KAZN: variants seen among roughly 807,000 people sequenced by gnomAD.
The protein encoded by KAZN is kazrin, periplakin interacting protein, also known as kazrin.
KAZN carries 40 observed loss-of-function variants against 87.4 expected under a neutral mutation model. The ratio of observed to expected loss-of-function variants is 0.46; its 90% CI spans 0.36 to 0.60. KAZN has a LOEUF of 0.60. KAZN is among the 20% of genes least tolerant of loss of function. KAZN has a pLI of 0.00. For missense variants in KAZN, 898 were observed against 1,073.9 expected, an observed-to-expected ratio of 0.84 and a Z score of 2.29; for synonymous variants, 466 against 458.3, an observed-to-expected ratio of 1.02 and a Z score of -0.22.
chr1:15,048,463 C>T lies in KAZN; in HGVS notation c.726+4304C>T, dbSNP rs184255724. ...GTATGTGTAAAATATTGTTTATCAA[C>T]TTAGAATGTCAAGGCCCGAGCCCAC... On this transcript the variant is annotated intron_variant, in intron 4 of 14. Transcript: ENST00000376030. Among the ~76,000 whole-genome samples, 875 of 152,250 alleles carry T rather than the reference C, an allele frequency of 5.7e-3. 6 individuals are homozygous for T. Among genetic ancestry groups the T allele is most frequent in the South Asian group, 0.041 (199 of 4,810 alleles).
intron 3 of KAZN, among the ~76,000 whole-genome samples, chr1:15,037,795 G>A (rs542862854): frequency 2.0e-5 from 3 of 152,200 alleles, no homozygotes; most frequent in East Asian, 1.9e-4. Flanking sequence ...GACCCCAGTC[G>A]TAGGTCTGGT....
chr1:14,289,888 T>C (rs976970092), intron 2 of KAZN, among the ~76,000 whole-genome samples: 1 of 152,194 alleles, frequency 6.6e-6, no homozygotes, highest in Admixed American at 6.5e-5. Flanking sequence ...GGTGACAAAA[T>C]CTCTCAGCGT....
At chr1:13,908,821 G>A (rs934641498) in intron 1 of KAZN, among the ~76,000 whole-genome samples, 2 of 152,178 alleles carry the variant, frequency 1.3e-5, no homozygotes, top group African/African-American at 2.4e-5. Context: ...AGAAATCCAC[G>A]GTGACAAGAC....
At chr1:14,634,233 A>C (rs1679794934) in intron 1 of KAZN, among the ~76,000 whole-genome samples, 1 of 152,172 alleles carries the variant, frequency 6.6e-6, no homozygotes. Flanking sequence ...CACTTGAACT[A>C]TTCCTTCCCC....
intron 1 of KAZN, among the ~76,000 whole-genome samples, chr1:14,120,414 G>A (rs1490700899): frequency 2.0e-5 from 3 of 152,014 alleles, no homozygotes; most frequent in African/African-American, 7.3e-5. Context: ...CTCCCACCAG[G>A]CCCCACCTCC....
intron 1 of KAZN, among the ~76,000 whole-genome samples, chr1:13,991,876 A>G (rs1328952385): frequency 6.6e-6 from 1 of 152,108 alleles, no homozygotes; most frequent in Non-Finnish European, 1.5e-5. Context: ...AACTATAGAT[A>G]CAGACGCAGT....
intron 2 of KAZN, among the ~76,000 whole-genome samples, chr1:14,967,178 T>A (rs1664550662): frequency 6.6e-6 from 1 of 152,164 alleles, no homozygotes; most frequent in African/African-American, 2.4e-5. Flanking sequence ...TGTTTTAGGA[T>A]GTCCCCATTT....
chr1:14,908,737 G>A (rs971631921), intron 1 of KAZN, among the ~76,000 whole-genome samples: 2 of 151,878 alleles, frequency 1.3e-5, no homozygotes, highest in African/African-American at 4.8e-5. Context: ...ATGTGGGTCC[G>A]GGCATGGTGG....
intron 1 of KAZN, among the ~76,000 whole-genome samples, chr1:14,870,026 G>A (rs572209331): frequency 3.3e-5 from 5 of 152,280 alleles, no homozygotes; most frequent in African/African-American, 1.2e-4. Context: ...AAGGTAGAAT[G>A]TCCAGATTTT....
chr1:14,945,206 A>C (rs958382523), intron 1 of KAZN, among the ~76,000 whole-genome samples: 1 of 152,186 alleles, frequency 6.6e-6, no homozygotes, highest in African/African-American at 2.4e-5. Flanking sequence ...CCTCGCAGCT[A>C]TAGATGGTGG....
At chr1:14,013,292 C>T (rs915819322) in intron 1 of KAZN, among the ~76,000 whole-genome samples, 2 of 152,172 alleles carry the variant, frequency 1.3e-5, no homozygotes, top group Non-Finnish European at 2.9e-5. Flanking sequence ...AGGATTTTTT[C>T]AAACAGGCAG....
chr1:14,536,187 C>A lies in KAZN; in HGVS notation c.250-62796C>A, dbSNP rs547757929. On this transcript the variant is annotated intron_variant, in intron 2 of 16. Transcript: ENST00000636203. ...TGACCAAGGGTTCAACACTGAGTAA[C>A]GACTTCTGGTCTTCCTGGTTTAAAT... Among the ~76,000 whole-genome samples the A allele has an allele frequency of 2.0e-5, 3 of 152,278 alleles. No individual in the cohort carries two copies. In the South Asian group the frequency reaches 6.2e-4, roughly 32 times the overall value.
At chr1:13,913,599 C>A (rs1639731341) in intron 1 of KAZN, among the ~76,000 whole-genome samples, 1 of 152,186 alleles carries the variant, frequency 6.6e-6, no homozygotes, top group South Asian at 2.1e-4. Context: ...ATTTGCAAAT[C>A]TGGTTCTCTT....
chr1:15,069,489 C>T (rs1006523534), intron 8 of KAZN, among the ~76,000 whole-genome samples: 3 of 152,172 alleles, frequency 2.0e-5, no homozygotes, highest in Admixed American at 6.5e-5. Flanking sequence ...CAAAAGCCAC[C>T]GTACCTCCTT....
In KAZN at chr1:14,389,486, T is replaced by C. The variant is rs573816920; in HGVS notation, c.249+208894T>C. 3.2e-3 allele frequency among the ~76,000 whole-genome samples: 487 copies of C among 150,594 alleles called. 5 individuals are homozygous for C. The highest frequency in any genetic ancestry group is 0.011 in the African/African-American group (468 of 41,222). ...CAACAGATGAATGGATAAAAAAAAA[T>C]GTTACACATACACAATGGAGTACTA... is the stretch of plus-strand genomic sequence containing the variant. On this transcript the variant is annotated intron_variant, in intron 2 of 16. Transcript: ENST00000636203.
At chr1:14,633,952 A>G (rs572570183) in intron 1 of KAZN, among the ~76,000 whole-genome samples, 143 of 152,218 alleles carry the variant, frequency 9.4e-4, no homozygotes, top group African/African-American at 3.3e-3. Context: ...ATTGCTTACA[A>G]TAGAACCTGA....
intron 2 of KAZN, among the ~76,000 whole-genome samples, chr1:14,295,617 C>T (rs1284311055): frequency 1.3e-5 from 2 of 152,094 alleles, no homozygotes; most frequent in African/African-American, 4.8e-5. Context: ...AAGAGCCACA[C>T]AGAGACATAA....
At chr1:14,608,380 T>A (rs1312768505) in intron 1 of KAZN, among the ~76,000 whole-genome samples, 9 of 152,314 alleles carry the variant, frequency 5.9e-5, no homozygotes, top group African/African-American at 2.2e-4. Context: ...AATTTTCTAA[T>A]AAAGGTCTAG....
intron 2 of KAZN, among the ~76,000 whole-genome samples, chr1:14,315,816 G>A (rs989643504): frequency 4.6e-5 from 7 of 151,924 alleles, no homozygotes; most frequent in African/African-American, 1.7e-4. Context: ...TAATATTAGG[G>A]TTGTTTCCAA....
Sources: gnomAD v4.1 joint callset for allele counts (sites outside exome capture counted in the v4.1 genomes callset) on GRCh38, gnomAD v4.1.1 for gene constraint, MANE v1.5 for transcripts, NCBI Gene and HGNC (gene_info 2026-07-23, HGNC 2026-07-21) for gene names.